Variants in COL14A1 observed in about 807,000 individuals in gnomAD.
The protein encoded by COL14A1 is collagen type XIV alpha 1 chain.
COL14A1 carries 136 observed loss-of-function variants against 230.3 expected under a neutral mutation model. The observed-to-expected ratio is 0.59, with a 90% CI of 0.51 to 0.68. COL14A1 has a LOEUF of 0.68. Ranked by LOEUF, COL14A1 falls within the 30% of genes least tolerant of loss-of-function variation. COL14A1 has a pLI of 0.00. For synonymous variants in COL14A1, 792 were observed against 784.1 expected (o/e 1.01, Z -0.17); for missense variants, 1,976 against 2,215.8 (o/e 0.89, Z 2.17).
At chr8:120,326,454 A>G (rs777682823) in intron 40 of COL14A1, among the ~76,000 whole-genome samples, 5 of 152,214 alleles carry the variant, frequency 3.3e-5, no homozygotes, top group Admixed American at 2.0e-4. Flanking sequence ...CTGTACAGGT[A>G]TTTCTGGGTA....
Position 120,345,511 on chromosome 8 carries a change from C to A in COL14A1, c.5025C>A (p.Gly1675=). ...CCCCTGGTGAACAAGGACCCCCAGG[C>A]ACACCAGGCTTCCCCGGAAATGCAG... The part of the protein sequence containing the change: ...PGAPGEQGPP[G]TPGFPGNAGV... The change falls in exon 45 of 48, where the codon GGC becomes GGA. Residue 1675 remains glycine (G), a synonymous_variant. Transcript: ENST00000297848. 6.3e-7 allele frequency: 1 copy of A among 1,590,880 alleles called. No individual in the cohort carries two copies. The highest frequency in any genetic ancestry group is 8.5e-7 in the Non-Finnish European group (1 of 1,171,476).
At chr8:120,332,599 G>A (rs1821909215) in intron 41 of COL14A1, 65 bp from the exon 42 acceptor site, 1 of 1,362,934 alleles carries the variant, frequency 7.3e-7, no homozygotes, top group Non-Finnish European at 1.0e-6. Flanking sequence ...TTGCTTAAAA[G>A]TTGGCTGTCA....
intron 8 of COL14A1, 35 bp downstream of exon 8, chr8:120,199,601 G>C: frequency 6.3e-7 from 1 of 1,585,294 alleles, no homozygotes; most frequent in Non-Finnish European, 8.6e-7. Context: ...TCAACTAAGG[G>C]CATAGACCCA....
intron 13 of COL14A1, chr8:120,213,811 TA>T: frequency 4.1e-6 from 1 of 240,980 alleles, no homozygotes; most frequent in Non-Finnish European, 8.2e-6. Context: ...TTTTATGTGC[TA>T]AGTAAATTAG....
At position 120,228,765 on chromosome 8, in the gene COL14A1, T is replaced by G; in HGVS notation, c.2193T>G (p.Thr731=). The change falls in exon 18 of 48, where the codon ACT becomes ACG. Residue 731 remains threonine (T), a synonymous_variant. Coordinates refer to ENST00000297848, the MANE Select transcript of COL14A1 (RefSeq NM_021110.4). ...CCATAGTGCCTACCACATCTGTGAC[T>G]TCAGGTAAGGTCAAATAGTAGCCTG... ...ATTIVPTTSV[T]SVFQTGIRNL... is the part of the protein sequence containing the mutation. The G allele has an allele frequency of 1.2e-6, 2 of 1,613,732 alleles. No homozygotes were observed. The highest frequency in any genetic ancestry group is 1.7e-6 in the Non-Finnish European group (2 of 1,179,718).
chr8:120,171,761 CT>C (rs1816099925), intron 5 of COL14A1, among the ~76,000 whole-genome samples: 1 of 152,088 alleles, frequency 6.6e-6, no homozygotes, highest in African/African-American at 2.4e-5. Context: ...AATTCTTAAC[CT>C]TTAACTCTTT....
In COL14A1 at chr8:120,345,477, C is replaced by T. The variant is rs780550420; in HGVS notation, c.4991C>T (p.Ser1664Leu). Residue 1664 changes from serine to leucine, a missense_variant, in exon 45 of 48, where the codon TCA (serine) becomes TTA (leucine). Around this residue, in one of 3 missense-constraint regions of COL14A1, gnomAD observed 1,791 missense variants for 2,019.5 expected, o/e 0.89. Coordinates refer to ENST00000297848, the MANE Select transcript of COL14A1 (RefSeq NM_021110.4). Reference protein sequence around the residue: ...GPPGEPGRPGSPGAPGEQGPP... With the variant: ...GPPGEPGRPGLPGAPGEQGPP... ...CCTGGGGAGCCTGGGAGGCCAGGCT[C>T]ACCTGGAGCCCCTGGTGAACAAGGA... is the stretch of plus-strand genomic sequence containing the variant. 4.4e-6 allele frequency: 7 copies of T among 1,603,874 alleles called. No individual in the cohort carries two copies. The highest frequency in any genetic ancestry group is 1.7e-4 in the Middle Eastern group (1 of 6,024).
At chr8:120,220,909 G>A (rs1177201930) in intron 14 of COL14A1, among the ~76,000 whole-genome samples, 1 of 152,110 alleles carries the variant, frequency 6.6e-6, no homozygotes, top group African/African-American at 2.4e-5. Context: ...TATAATGGTG[G>A]CTAACATTTG....
intron 1 of COL14A1, among the ~76,000 whole-genome samples, chr8:120,127,222 T>C (rs1239119263): frequency 6.6e-6 from 1 of 152,242 alleles, no homozygotes; most frequent in Non-Finnish European, 1.5e-5. Context: ...GGTTCATCCA[T>C]GATGTACAGG....
At chr8:120,183,401 G>A (rs2130649473) in intron 5 of COL14A1, among the ~76,000 whole-genome samples, 1 of 152,220 alleles carries the variant, frequency 6.6e-6, no homozygotes, top group South Asian at 2.1e-4. Context: ...TTTCTTCAAG[G>A]GTTGTCCTGC....
At chr8:120,328,647 T>G (rs938088624) in intron 40 of COL14A1, among the ~76,000 whole-genome samples, 2 of 152,166 alleles carry the variant, frequency 1.3e-5, no homozygotes, top group Non-Finnish European at 2.9e-5. Context: ...TGTCCATAAA[T>G]CAAGTGAATT....
chr8:120,214,679 G>A (rs1180367541), intron 13 of COL14A1, among the ~76,000 whole-genome samples: 2 of 152,000 alleles, frequency 1.3e-5, no homozygotes, highest in Non-Finnish European at 2.9e-5. Flanking sequence ...TGCTATATTG[G>A]GGATAGATCT....
chr8:120,219,957 G>A (rs778228292), intron 14 of COL14A1, among the ~76,000 whole-genome samples: 55 of 151,974 alleles, frequency 3.6e-4, no homozygotes, highest in Non-Finnish European at 5.6e-4. Flanking sequence ...CATGGATTTT[G>A]TAACATCGGT....
intron 1 of COL14A1, among the ~76,000 whole-genome samples, chr8:120,145,474 C>T (rs1815061208): frequency 6.6e-6 from 1 of 152,096 alleles, no homozygotes. Flanking sequence ...CAAAAATTAG[C>T]CGGGCGTAGT....
intron 2 of COL14A1, among the ~76,000 whole-genome samples, chr8:120,157,602 C>A (rs972648144): frequency 2.0e-5 from 3 of 152,154 alleles, no homozygotes; most frequent in Non-Finnish European, 4.4e-5. Flanking sequence ...TACTGTTTGA[C>A]AAATGGATAT....
chr8:120,213,809 G>A (rs1817675920), intron 13 of COL14A1: 1 of 237,184 alleles, frequency 4.2e-6, no homozygotes, highest in Admixed American at 5.8e-5. Context: ...ATTTTTATGT[G>A]CTAAGTAAAT....
At chr8:120,357,143 G>A (rs1823015946) in intron 45 of COL14A1, among the ~76,000 whole-genome samples, 1 of 152,192 alleles carries the variant, frequency 6.6e-6, no homozygotes, top group African/African-American at 2.4e-5. Context: ...ATTTTTGTGG[G>A]TCAGGGATTT....
chr8:120,127,889 T>C (rs961444951), intron 1 of COL14A1, among the ~76,000 whole-genome samples: 3 of 152,162 alleles, frequency 2.0e-5, no homozygotes, highest in African/African-American at 7.2e-5. Context: ...GATGGAGTGG[T>C]GCTGTTTGAG....
At chr8:120,362,365 A>G (rs1002833414) in intron 45 of COL14A1, among the ~76,000 whole-genome samples, 2 of 152,206 alleles carry the variant, frequency 1.3e-5, no homozygotes, top group Non-Finnish European at 2.9e-5. Context: ...ATTTATAGGC[A>G]GTGCTGATAC....
Sources: gnomAD v4.1 joint callset for allele counts (sites outside exome capture counted in the v4.1 genomes callset) on GRCh38, gnomAD v4.1.1 for gene constraint, gnomAD v4.1.1 regional missense constraint, MANE v1.5 for transcripts, NCBI Gene and HGNC (gene_info 2026-07-23, HGNC 2026-07-21) for gene names.